The following NEK6 variants were observed in gnomAD, a reference collection of about 807,000 sequenced individuals.
NEK6 encodes the protein NIMA related kinase 6, also known as serine/threonine-protein kinase Nek6.
In NEK6, 27 loss-of-function variants were observed where a neutral mutation model predicts 43.5. The ratio of observed to expected loss-of-function variants is 0.62; its 90% CI spans 0.46 to 0.86. NEK6 has a LOEUF of 0.86. Among genes scored for constraint, NEK6 ranks in the 40% least tolerant of loss-of-function variants. The pLI, the probability that NEK6 is intolerant of heterozygous loss-of-function variation, is 0.00. For missense variants in NEK6, 318 were observed against 414.4 expected (o/e 0.77, Z 2.02); for synonymous variants, 167 against 164.1 (o/e 1.02, Z -0.14).
chr9:124,307,445 C>T (rs989747259), intron 2 of NEK6, among the ~76,000 whole-genome samples: 6 of 152,228 alleles, frequency 3.9e-5, no homozygotes, highest in African/African-American at 1.4e-4. Flanking sequence ...TCCTGCTGCT[C>T]CCCAGGGCCC....
intron 1 of NEK6, among the ~76,000 whole-genome samples, chr9:124,287,044 C>A (rs1832196711): frequency 6.6e-6 from 1 of 152,212 alleles, no homozygotes; most frequent in African/African-American, 2.4e-5. Flanking sequence ...GATATGCCCC[C>A]CTGGCTGCGG....
At chr9:124,303,587 T>C (rs56225450) in intron 2 of NEK6, among the ~76,000 whole-genome samples, 25,499 of 152,160 alleles carry the variant, frequency 0.17, 2,520 homozygotes, top group African/African-American at 0.28. Context: ...TGTTTGTGTG[T>C]GTATCTGGTG....
At position 124,326,989 on chromosome 9, in the gene NEK6, G is replaced by A. The variant is rs993270788; in HGVS notation, c.515-349G>A. On this transcript the variant is annotated intron_variant, in intron 6 of 9. Coordinates refer to ENST00000320246, the MANE Select transcript of NEK6 (RefSeq NM_014397.6). This position sits in a 1 kb window ranked among gnomAD's most constrained non-coding sequence, Gnocchi z 4.5. ...CACTGGGTGCTCCACTGAGCACTCC[G>A]TTCATTCATTACGCAGATTTTCCCT... 1.3e-5 allele frequency among the ~76,000 whole-genome samples: 2 copies of A among 152,154 alleles called. No individual in the cohort carries two copies. The highest frequency in any genetic ancestry group is 1.9e-4 in the East Asian group (1 of 5,188).
At chr9:124,350,495 ACAG>A (rs1266328591) in intron 9 of NEK6, among the ~76,000 whole-genome samples, 20 of 54,770 alleles carry the variant, frequency 3.7e-4, no homozygotes, top group African/African-American at 1.5e-3. Flanking sequence ...TGCGTGACTG[ACAG>A]CAGACACACA....
At chr9:124,310,747 C>T (rs1265569684) in intron 2 of NEK6, among the ~76,000 whole-genome samples, 2 of 152,072 alleles carry the variant, frequency 1.3e-5, no homozygotes, top group African/African-American at 2.4e-5. Flanking sequence ...TACAGGCACC[C>T]ACCACCACAC....
chr9:124,318,408 AT>A (rs1400694616), intron 4 of NEK6, among the ~76,000 whole-genome samples: 2 of 151,330 alleles, frequency 1.3e-5, no homozygotes, highest in African/African-American at 2.4e-5. Context: ...AGCCCAGCTA[AT>A]TTTTTTTTGT....
intron 8 of NEK6, among the ~76,000 whole-genome samples, chr9:124,344,076 C>T (rs1278004573): frequency 1.3e-5 from 2 of 152,140 alleles, no homozygotes; most frequent in Admixed American, 6.5e-5. Context: ...AGAGGCCACC[C>T]GCGGTCCTCG....
chr9:124,264,133 A>AT (rs1159414751), intron 1 of NEK6, among the ~76,000 whole-genome samples: 2 of 152,158 alleles, frequency 1.3e-5, no homozygotes, highest in Middle Eastern at 3.2e-3. Context: ...TGCACATTTT[A>AT]TGCCCCCGCC....
Position 124,312,667 on chromosome 9 carries a change from G to A in NEK6, c.231+18G>A. ...AGGTGCAGGTGAGCTGACAACCCGT[G>A]GGGTCAAACCTGCATCTCGGGAGGT... On this transcript the variant is annotated intron_variant, in intron 3 of 9. Coordinates refer to ENST00000320246, the MANE Select transcript of NEK6 (RefSeq NM_014397.6). 1 of 1,606,574 alleles carries A rather than the reference G, an allele frequency of 6.2e-7. No homozygotes were observed. The highest frequency in any genetic ancestry group is 8.5e-7 in the Non-Finnish European group (1 of 1,174,418).
At chr9:124,268,255 A>G (rs1473391097) in intron 1 of NEK6, among the ~76,000 whole-genome samples, 1 of 152,166 alleles carries the variant, frequency 6.6e-6, no homozygotes, top group Non-Finnish European at 1.5e-5. Context: ...ATAGGGAGTC[A>G]TTATCCCTCA....
intron 9 of NEK6, among the ~76,000 whole-genome samples, chr9:124,348,147 G>A (rs1449596022): frequency 4.6e-5 from 7 of 152,220 alleles, no homozygotes; most frequent in East Asian, 1.9e-4. Flanking sequence ...GGTCTGTGCC[G>A]TGCCAGACAT....
chr9:124,323,013 C>T (rs541755789), intron 5 of NEK6, among the ~76,000 whole-genome samples: 4 of 149,334 alleles, frequency 2.7e-5, no homozygotes, highest in African/African-American at 5.0e-5. Flanking sequence ...CCCCCGCCCC[C>T]GCTTTACTTG....
intron 8 of NEK6, among the ~76,000 whole-genome samples, chr9:124,341,388 G>A (rs1276869889): frequency 6.8e-6 from 1 of 146,944 alleles, no homozygotes; most frequent in Non-Finnish European, 1.5e-5. Flanking sequence ...GGTGACAAGA[G>A]GGTGGGACCC....
chr9:124,315,843 C>T (rs541923705), intron 4 of NEK6, among the ~76,000 whole-genome samples: 1 of 152,364 alleles, frequency 6.6e-6, no homozygotes, highest in African/African-American at 2.4e-5. Context: ...GGACACACCC[C>T]TCGCTCACTA....
intron 1 of NEK6, among the ~76,000 whole-genome samples, chr9:124,276,328 C>CT (rs1831649238): frequency 6.6e-6 from 1 of 152,142 alleles, no homozygotes; most frequent in Non-Finnish European, 1.5e-5. Context: ...GGGCCCTGGT[C>CT]TTAGTCTCCT....
At chr9:124,278,382 A>G (rs959782613) in intron 1 of NEK6, among the ~76,000 whole-genome samples, 2 of 149,992 alleles carry the variant, frequency 1.3e-5, no homozygotes, top group African/African-American at 4.8e-5. Context: ...CTGGGTTTGT[A>G]GGTTCCCCTA....
chr9:124,304,870 A>G (rs930284833), intron 2 of NEK6, among the ~76,000 whole-genome samples: 4 of 152,234 alleles, frequency 2.6e-5, no homozygotes, highest in African/African-American at 9.6e-5. Flanking sequence ...AGAGGTTTCT[A>G]ATGAATGAAT....
chr9:124,326,870 G>C lies in NEK6; in HGVS notation c.514+432G>C, dbSNP rs1295859322. On this transcript the variant is annotated intron_variant, in intron 6 of 9. Coordinates refer to ENST00000320246, the MANE Select transcript of NEK6 (RefSeq NM_014397.6). This position sits in a 1 kb window ranked among gnomAD's most constrained non-coding sequence, Gnocchi z 4.5. ...CCCGGCAGGGCACGAGGTCCTTTAC[G>C]TAGGCTGCTTCATGGACACCTCCGT... is the stretch of plus-strand genomic sequence containing the variant. Among the ~76,000 whole-genome samples the C allele has an allele frequency of 6.6e-6, 1 of 152,170 alleles. No homozygotes were observed. Among genetic ancestry groups the C allele is most frequent in the Non-Finnish European group, 1.5e-5 (1 of 68,022 alleles).
At chr9:124,258,846 G>A (rs1382914180) in intron 1 of NEK6, among the ~76,000 whole-genome samples, 1 of 152,260 alleles carries the variant, frequency 6.6e-6, no homozygotes, top group Non-Finnish European at 1.5e-5. Context: ...TGCATACACA[G>A]GCTGGGCGAG....
Sources: allele counts gnomAD v4.1 joint callset (sites outside exome capture counted in the v4.1 genomes callset), GRCh38; gene constraint gnomAD v4.1.1; non-coding constraint Gnocchi (gnomAD v3.1); transcripts MANE v1.5; gene names NCBI Gene and HGNC (gene_info 2026-07-23, HGNC 2026-07-21).